Variants in CLN3 observed in about 807,000 individuals in gnomAD.
CLN3 encodes the protein CLN3 lysosomal/endosomal transmembrane protein, battenin, also known as battenin.
Under a neutral mutation model 60.7 loss-of-function variants are expected in CLN3, and 49 were observed. The observed-to-expected ratio is 0.81, with a 90% CI of 0.64 to 1.02. The LOEUF (loss-of-function observed/expected upper bound fraction) is 1.02, where lower values mean the gene tolerates loss of function less well. CLN3 is among the 50% of genes least tolerant of loss of function. The probability of loss-of-function intolerance (pLI) is 0.00; values close to 1 mark genes in which losing one functional copy is unlikely to be tolerated. For missense variants in CLN3, 516 were observed against 557.4 expected (o/e 0.93, Z 0.75); for synonymous variants, 256 against 245.8 (o/e 1.04, Z -0.39).
chr16:28,477,848 G>C lies in CLN3; in HGVS notation c.1086C>G (p.Asp362Glu), dbSNP rs376907245. 18 of 1,614,140 alleles carry C rather than the reference G, an allele frequency of 1.1e-5. No individual in the cohort carries two copies. In the East Asian group the frequency reaches 3.8e-4, roughly 34 times the overall value. Residue 362 changes from aspartate (D) to glutamate (E), a missense_variant, in exon 15 of 16, where the codon GAC (aspartate) becomes GAG (glutamate). Physicochemically the swap from Asp to Glu is conservative, Grantham distance 45 (BLOSUM62 2). Coordinates refer to ENST00000636147, the MANE Select transcript of CLN3 (RefSeq NM_001042432.2). ...TGCTTGGCAGAAAGCCGAACCACAC[G>C]TCTGCCAGCAGGAACACCAGGTTGA... ...QCLNLVFLLA[D>E]VWFGFLPSIY...
chr16:28,491,688 C>G (rs1314964981), intron 2 of CLN3, 26 bp downstream of exon 2: 1 of 1,614,024 alleles, frequency 6.2e-7, no homozygotes, highest in African/African-American at 1.3e-5. Flanking sequence ...GGTGGTCGTT[C>G]CATGAGGGTG....
chr16:28,467,556 A>AT, the CLN3 span, among the ~76,000 whole-genome samples: 124 of 137,576 alleles, frequency 9.0e-4, no homozygotes, highest in South Asian at 2.2e-3. Flanking sequence ...GTGCCCAGCC[A>AT]TTTTTTTTTG....
chr16:28,485,571 CAAAAAAAAAAAAAAAA>C (rs67148714), intron 9 of CLN3, among the ~76,000 whole-genome samples: 1 of 11,768 alleles, frequency 8.5e-5, no homozygotes, highest in Non-Finnish European at 1.3e-4. Flanking sequence ...GACTCCGTCT[CAAAAAAAAAAAAAAAA>C]AAAAAAAAAA....
intron 9 of CLN3, among the ~76,000 whole-genome samples, chr16:28,486,114 T>C (rs1021048535): frequency 6.6e-6 from 1 of 151,892 alleles, no homozygotes; most frequent in Non-Finnish European, 1.5e-5. Flanking sequence ...TCTCCTGCCT[T>C]AGCCTCCTGA....
chr16:28,478,346 T>C (rs1316212313), intron 14 of CLN3, among the ~76,000 whole-genome samples: 1 of 148,272 alleles, frequency 6.7e-6, no homozygotes, highest in Non-Finnish European at 1.5e-5. Flanking sequence ...CCTGGTGCAG[T>C]GGCTCATGCA....
At chr16:28,474,590 A>G (rs1428522516), downstream of CLN3, among the ~76,000 whole-genome samples, 1 of 152,212 alleles carries the variant, frequency 6.6e-6, no homozygotes, top group Non-Finnish European at 1.5e-5. Flanking sequence ...CTGCCAGTGG[A>G]ATGTAAAATT....
intron 10 of CLN3, 120 bp from the exon 11 acceptor site, chr16:28,482,792 C>G: frequency 9.7e-7 from 1 of 1,028,800 alleles, no homozygotes; most frequent in Non-Finnish European, 1.5e-6. Flanking sequence ...TTCCATGCCA[C>G]TGGATTGGAC....
intron 9 of CLN3, 137 bp downstream of exon 9, chr16:28,486,210 C>T: frequency 1.9e-6 from 2 of 1,075,896 alleles, no homozygotes; most frequent in Non-Finnish European, 1.4e-6. Context: ...GTTGGCCAGG[C>T]TGGTTTCCTG....
chr16:28,473,776 T>C (rs909266158), downstream of CLN3, among the ~76,000 whole-genome samples: 4 of 152,080 alleles, frequency 2.6e-5, no homozygotes, highest in Admixed American at 6.6e-5. Context: ...GACAATCCCA[T>C]TTAAAAATGG....
chr16:28,470,783 G>A (rs2045945055), downstream of CLN3, among the ~76,000 whole-genome samples: 2 of 148,844 alleles, frequency 1.3e-5, no homozygotes, highest in African/African-American at 2.4e-5. Flanking sequence ...GCTGGTGGAA[G>A]GTTTAGCTAC....
chr16:28,479,261 C>T (rs1419557018), intron 14 of CLN3, among the ~76,000 whole-genome samples: 3 of 152,214 alleles, frequency 2.0e-5, no homozygotes, highest in Non-Finnish European at 4.4e-5. Flanking sequence ...TTCATTAAAT[C>T]TGAGGTAGAC....
chr16:28,483,510 C>T (rs972586754), intron 10 of CLN3, among the ~76,000 whole-genome samples: 1 of 151,882 alleles, frequency 6.6e-6, no homozygotes, highest in African/African-American at 2.4e-5. Context: ...GTATGAACCA[C>T]CACGCCCGGC....
In CLN3 at chr16:28,492,039, T is replaced by G; in HGVS notation, c.-96A>C. ...CTGTACCTTTAAGAGCAGCAGAATG[T>G]TCTGCACTATGCAGAGGCCGTTTGT... On this transcript the variant is annotated 5_prime_UTR_variant, in exon 1 of 16. Transcript: ENST00000636147. The G allele has an allele frequency of 1.8e-6, 1 of 568,996 alleles. No individual in the cohort carries two copies. Among genetic ancestry groups the G allele is most frequent in the South Asian group, 2.0e-5 (1 of 49,620 alleles). The allele number at this position is 568,996 out of a possible 1,614,324, so 35.2% of individuals were successfully genotyped here. A position where few individuals can be genotyped will look rare whatever the true frequency, so the allele number is the denominator to read the frequency against.
At position 28,486,359 on chromosome 16, in the gene CLN3, A is replaced by T. The variant is rs781613318; in HGVS notation, c.665T>A (p.Leu222Gln). ...CAGGGCAGCTCACCTGGCCAGCAGC[A>T]GGGCAGGGATACCCAGCATGGACAG... ...TLLSMLGIPA[L>Q]LLASYFLLLT... The change falls in exon 9 of 16, where the codon CTG becomes CAG. Residue 222 changes from leucine to glutamine, a missense_variant. Coordinates refer to ENST00000636147, the MANE Select transcript of CLN3 (RefSeq NM_001042432.2). 1.2e-6 allele frequency: 2 copies of T among 1,612,216 alleles called. No homozygotes were observed. Among genetic ancestry groups the T allele is most frequent in the Non-Finnish European group, 1.7e-6 (2 of 1,180,004 alleles).
At chr16:28,485,195 G>A (rs1189526854) in intron 9 of CLN3, among the ~76,000 whole-genome samples, 4 of 149,976 alleles carry the variant, frequency 2.7e-5, no homozygotes, top group African/African-American at 4.9e-5. Flanking sequence ...CGCCCGCCTC[G>A]GCCTCCCAAA....
chr16:28,474,299 A>T (rs527358470), downstream of CLN3: 1 of 151,684 alleles, frequency 6.6e-6, no homozygotes, highest in Admixed American at 6.6e-5. Flanking sequence ...AAAAAACAAC[A>T]ACAAAAAAGA....
downstream of CLN3, chr16:28,477,270 TA>T (rs1198472317): frequency 1.8e-6 from 1 of 562,620 alleles, no homozygotes; most frequent in Non-Finnish European, 3.2e-6. Context: ...ACAAAAACGA[TA>T]TAAGAAGTCC....
At chr16:28,486,969 G>A (rs1596562272) in intron 7 of CLN3, 1 of 412,290 alleles carries the variant, frequency 2.4e-6, no homozygotes, top group East Asian at 5.3e-5. Context: ...GGAGTACAGT[G>A]GCGTGATCTC....
chr16:28,486,527 A>G, intron 8 of CLN3, 37 bp from the exon 9 acceptor site: 7 of 1,609,144 alleles, frequency 4.4e-6, no homozygotes, highest in Non-Finnish European at 5.9e-6. Context: ...AGGAGGACCT[A>G]GGCTGACCAT....
Sources: allele counts gnomAD v4.1 joint callset (sites outside exome capture counted in the v4.1 genomes callset), GRCh38; gene constraint gnomAD v4.1.1; transcripts MANE v1.5; gene names NCBI Gene and HGNC (gene_info 2026-07-23, HGNC 2026-07-21).